ELOVL6: variants seen among roughly 807,000 people sequenced by gnomAD.
ELOVL6 encodes the protein ELOVL fatty acid elongase 6.
ELOVL6 carries 8 observed loss-of-function variants against 31.7 expected under a neutral mutation model. The ratio of observed to expected loss-of-function variants is 0.25; its 90% CI spans 0.15 to 0.45. The LOEUF (loss-of-function observed/expected upper bound fraction) is 0.45. Among genes scored for constraint, ELOVL6 ranks in the 20% least tolerant of loss-of-function variants. The pLI is 1.00. For synonymous variants in ELOVL6, 101 were observed against 117.7 expected, an observed-to-expected ratio of 0.86 and a Z score of 0.92; for missense variants, 126 against 326.4, an observed-to-expected ratio of 0.39 and a Z score of 4.73.
intron 1 of ELOVL6, among the ~76,000 whole-genome samples, chr4:110,149,050 C>A (rs1228915246): frequency 6.6e-6 from 1 of 152,080 alleles, no homozygotes; most frequent in Non-Finnish European, 1.5e-5. Flanking sequence ...TTAGTAGAGA[C>A]AAGGTTTCAC....
chr4:110,198,185 A>G, intron 1 of ELOVL6, 62 bp downstream of exon 1: 2 of 979,182 alleles, frequency 2.0e-6, no homozygotes, highest in Non-Finnish European at 3.3e-6. Context: ...TACCGACATT[A>G]AGGCACTCCG....
chr4:110,179,297 G>C (rs1759205229), intron 1 of ELOVL6, among the ~76,000 whole-genome samples: 1 of 152,074 alleles, frequency 6.6e-6, no homozygotes, highest in South Asian at 2.1e-4. Flanking sequence ...CTGAGGTCAG[G>C]AGTTCGAGAC....
rs1754748463 is a variant in ELOVL6 at position 110,048,266 on chromosome 4, A to G, written c.*3072T>C. On this transcript the variant is annotated 3_prime_UTR_variant, in exon 4 of 4. Coordinates refer to ENST00000302274, the MANE Select transcript of ELOVL6 (RefSeq NM_024090.3). ...GTAATATGGTAGTTACTCTTTTCCC[A>G]TAAGCAACACTAGAAGGTCCACGTA... The G allele has an allele frequency of 6.6e-6, 1 of 152,210 alleles. No individual in the cohort carries two copies. Among genetic ancestry groups the G allele is most frequent in the Admixed American group, 6.5e-5 (1 of 15,280 alleles). 9.4% of individuals were successfully genotyped at this position (152,210 alleles called of 1,614,324 possible). A position where few individuals can be genotyped will look rare whatever the true frequency, so the allele number is the denominator to read the frequency against.
rs192068695 is a variant in ELOVL6, at chr4:110,180,701, C to G, written c.89+17546G>C. On this transcript the variant is annotated intron_variant, in intron 1 of 3. Coordinates refer to ENST00000302274, the MANE Select transcript of ELOVL6 (RefSeq NM_024090.3). Reference sequence around the variant, plus strand: ...TGCTGGGATTACAGGCATGAGCCACCACACCTGGCCTATACTTTGTTTTCT... The same window carrying G: ...TGCTGGGATTACAGGCATGAGCCACGACACCTGGCCTATACTTTGTTTTCT... Among the ~76,000 whole-genome samples the G allele has an allele frequency of 9.9e-3, 1,501 of 152,258 alleles. 24 individuals are homozygous for G. Among genetic ancestry groups the G allele is most frequent in the African/African-American group, 0.034 (1,429 of 41,550 alleles).
intron 2 of ELOVL6, among the ~76,000 whole-genome samples, chr4:110,097,898 G>C (rs1207537318): frequency 1.3e-5 from 2 of 152,116 alleles, no homozygotes; most frequent in African/African-American, 2.4e-5. Flanking sequence ...AGGCATTGGA[G>C]TCAGCAATTT....
chr4:110,129,965 T>C (rs575100817), intron 1 of ELOVL6, among the ~76,000 whole-genome samples: 2 of 145,710 alleles, frequency 1.4e-5, no homozygotes, highest in South Asian at 2.2e-4. Flanking sequence ...GTAATGGATC[T>C]TGACTCACTG....
chr4:110,157,521 A>C (rs920066689), intron 1 of ELOVL6, among the ~76,000 whole-genome samples: 7 of 152,070 alleles, frequency 4.6e-5, no homozygotes, highest in Non-Finnish European at 7.4e-5. Context: ...AAATGCAAAA[A>C]TTAGCTGCAC....
intron 1 of ELOVL6, among the ~76,000 whole-genome samples, chr4:110,187,935 C>G (rs958302896): frequency 2.6e-5 from 4 of 152,290 alleles, no homozygotes; most frequent in Admixed American, 2.6e-4. Context: ...CATTTCATTT[C>G]TTTTCCTGTA....
intron 2 of ELOVL6, among the ~76,000 whole-genome samples, chr4:110,096,152 TA>T (rs1158468743): frequency 1.3e-5 from 2 of 152,190 alleles, no homozygotes; most frequent in Non-Finnish European, 1.5e-5. Context: ...CAGTGGGTTA[TA>T]AATAGAATAA....
At chr4:110,059,573 G>A in intron 3 of ELOVL6, 30 bp downstream of exon 3, 1 of 1,601,744 alleles carries the variant, frequency 6.2e-7, no homozygotes, top group African/African-American at 1.3e-5. Context: ...GCTACAAAGA[G>A]AGGGAGAGGA....
chr4:110,115,016 T>C (rs897155905), intron 1 of ELOVL6, among the ~76,000 whole-genome samples: 3 of 152,186 alleles, frequency 2.0e-5, no homozygotes, highest in Non-Finnish European at 4.4e-5. Context: ...AATATTTATA[T>C]AGGGTTTTCA....
At position 110,084,269 on chromosome 4, in the gene ELOVL6, T is replaced by C. The variant is rs192958035; in HGVS notation, c.221+21228A>G. On this transcript the variant is annotated intron_variant, in intron 2 of 3. Coordinates refer to ENST00000302274, the MANE Select transcript of ELOVL6 (RefSeq NM_024090.3). ...ATATATATAACATATAGCTTATATG[T>C]GATATATAACATATATAACTTATAT... Among the ~76,000 whole-genome samples, 455 of 114,060 alleles carry C rather than the reference T, an allele frequency of 4.0e-3. 42 individuals carry two copies. The highest frequency in any genetic ancestry group is 7.5e-3 in the Middle Eastern group (1 of 134). 74.8% of individuals were successfully genotyped at this position (114,060 alleles called of 152,430 possible).
intron 2 of ELOVL6, among the ~76,000 whole-genome samples, chr4:110,072,384 G>A (rs1321481090): frequency 6.6e-6 from 1 of 152,232 alleles, no homozygotes; most frequent in Non-Finnish European, 1.5e-5. Context: ...GCTGAGGCAG[G>A]AGAATAGCTT....
chr4:110,084,789 T>G (rs1397701969), intron 2 of ELOVL6, among the ~76,000 whole-genome samples: 1 of 151,006 alleles, frequency 6.6e-6, no homozygotes. Flanking sequence ...GAGATGGGGT[T>G]TCACCATGTT....
intron 1 of ELOVL6, among the ~76,000 whole-genome samples, chr4:110,149,375 G>GA (rs746291303): frequency 1.3e-5 from 2 of 152,106 alleles, no homozygotes; most frequent in Non-Finnish European, 2.9e-5. Context: ...ATATGGAATC[G>GA]ACTTAAGTGT....
At chr4:110,182,908 CA>C (rs537639856) in intron 1 of ELOVL6, among the ~76,000 whole-genome samples, 22 of 142,270 alleles carry the variant, frequency 1.5e-4, no homozygotes, top group African/African-American at 2.1e-4. Flanking sequence ...AACTCCGTCT[CA>C]AAAAAAAAAA....
intron 1 of ELOVL6, among the ~76,000 whole-genome samples, chr4:110,156,122 A>G (rs1578266154): frequency 2.0e-5 from 3 of 152,196 alleles, no homozygotes; most frequent in Admixed American, 1.3e-4. Context: ...AGAAAACTGG[A>G]GGCTGCACCA....
intron 1 of ELOVL6, among the ~76,000 whole-genome samples, chr4:110,178,409 G>C (rs957723194): frequency 7.2e-5 from 11 of 152,090 alleles, no homozygotes; most frequent in Non-Finnish European, 1.5e-4. Flanking sequence ...GAGTGTGGTG[G>C]CGCACGCCTA....
chr4:110,136,738 G>A (rs1757824180), intron 1 of ELOVL6, among the ~76,000 whole-genome samples: 1 of 152,160 alleles, frequency 6.6e-6, no homozygotes, highest in African/African-American at 2.4e-5. Flanking sequence ...GTCCTCAAAT[G>A]TTAATTTGTA....
Sources: gnomAD v4.1 joint callset for allele counts (sites outside exome capture counted in the v4.1 genomes callset) on GRCh38, gnomAD v4.1.1 for gene constraint, MANE v1.5 for transcripts, NCBI Gene and HGNC (gene_info 2026-07-23, HGNC 2026-07-21) for gene names.